Variants in METAP1D observed in about 807,000 individuals in gnomAD.
The protein encoded by METAP1D is methionyl aminopeptidase type 1D, mitochondrial, also known as methionine aminopeptidase 1D, mitochondrial.
Under a neutral mutation model 40.5 loss-of-function variants are expected in METAP1D, and 31 were observed. The observed-to-expected ratio is 0.77, with a 90% CI of 0.58 to 1.03. The LOEUF is 1.03. Ranked by LOEUF, METAP1D falls within the 50% of genes least tolerant of loss-of-function variation. METAP1D has a pLI of 0.00. For missense variants in METAP1D, 411 were observed against 420.7 expected, an observed-to-expected ratio of 0.98 and a Z score of 0.20; for synonymous variants, 151 against 146.4, an observed-to-expected ratio of 1.03 and a Z score of -0.22.
chr2:172,079,127 T>G, intron 7 of METAP1D, 88 bp from the exon 8 acceptor site: 1 of 1,383,630 alleles, frequency 7.2e-7, no homozygotes, highest in Admixed American at 1.9e-5. Context: ...CGACCAAGTT[T>G]TTTAAAGGGG....
At chr2:172,043,967 C>A (rs1421895523) in intron 1 of METAP1D, among the ~76,000 whole-genome samples, 1 of 134,320 alleles carries the variant, frequency 7.4e-6, no homozygotes, top group African/African-American at 2.5e-5. Flanking sequence ...GTGGCATGTG[C>A]CTGTAGTCCC....
In METAP1D at chr2:172,063,274, G is replaced by T. The variant is rs142892917; in HGVS notation, c.199-437G>T. Among the ~76,000 whole-genome samples the T allele has an allele frequency of 3.0e-3, 459 of 152,338 alleles. 3 individuals carry two copies. Among genetic ancestry groups the T allele is most frequent in the African/African-American group, 8.9e-3 (368 of 41,580 alleles). ...GCCTTTTTACATATGTTCATTTTGA[G>T]AGGGTGTTGGGAGCTATCTTTTGCA... On this transcript the variant is annotated intron_variant, in intron 2 of 9. Transcript: ENST00000315796.
chr2:172,079,386 G>C, intron 8 of METAP1D, 124 bp downstream of exon 8: 1 of 854,076 alleles, frequency 1.2e-6, no homozygotes, highest in Admixed American at 2.1e-5. Flanking sequence ...TAATTCGGAT[G>C]CACTGGAAAT....
intron 1 of METAP1D, among the ~76,000 whole-genome samples, chr2:172,028,572 G>GTGTGTGTC (rs1689172792): frequency 6.8e-6 from 1 of 147,972 alleles, no homozygotes; most frequent in African/African-American, 2.6e-5. Context: ...GTGTGTGTGT[G>GTGTGTGTC]TGTGTGTGTG....
chr2:172,017,393 G>A (rs1025190178), intron 1 of METAP1D, among the ~76,000 whole-genome samples: 9 of 150,194 alleles, frequency 6.0e-5, no homozygotes, highest in East Asian at 3.9e-4. Context: ...ATGTATATAT[G>A]TGTATATATG....
intron 1 of METAP1D, among the ~76,000 whole-genome samples, chr2:172,056,518 T>A (rs552425529): frequency 2.6e-5 from 4 of 152,230 alleles, no homozygotes; most frequent in Non-Finnish European, 5.9e-5. Flanking sequence ...TACAAGGATG[T>A]AAGCTCCCTG....
chr2:172,061,092 T>A (rs988573696), intron 1 of METAP1D, among the ~76,000 whole-genome samples: 2 of 152,212 alleles, frequency 1.3e-5, no homozygotes, highest in African/African-American at 2.4e-5. Flanking sequence ...GCTGGCAATT[T>A]GTCCGTGATT....
intron 1 of METAP1D, 121 bp downstream of exon 1, chr2:172,000,130 T>C: frequency 8.9e-6 from 8 of 898,212 alleles, no homozygotes; most frequent in Non-Finnish European, 1.0e-5. Flanking sequence ...GTACTTTCAG[T>C]GTTTACGAAC....
At position 172,039,325 on chromosome 2, in the gene METAP1D, C is replaced by T. The variant is rs116434274; in HGVS notation, c.41-22173C>T. On this transcript the variant is annotated intron_variant, in intron 1 of 9. Coordinates refer to ENST00000315796, the MANE Select transcript of METAP1D (RefSeq NM_199227.3). ...AAATAATTAAGTGTCCAGACCCATA[C>T]TCTTGTGCTCTAGTGCACTTCAGGA... Among the ~76,000 whole-genome samples, 405 of 152,336 alleles carry T rather than the reference C, an allele frequency of 2.7e-3. 1 individual carries two copies. Among genetic ancestry groups the T allele is most frequent in the Middle Eastern group, 0.01 (3 of 294 alleles).
At chr2:172,041,726 T>TTATTTATATA (rs1553493428) in intron 1 of METAP1D, among the ~76,000 whole-genome samples, 2 of 37,570 alleles carry the variant, frequency 5.3e-5, no homozygotes, top group African/African-American at 8.0e-5. Flanking sequence ...TCTAATTATT[T>TTATTTATATA]TATATATATA....
intron 1 of METAP1D, among the ~76,000 whole-genome samples, chr2:172,016,486 T>G (rs1173701275): frequency 6.7e-6 from 1 of 149,748 alleles, no homozygotes; most frequent in Non-Finnish European, 1.5e-5. Flanking sequence ...CTGGACGTGG[T>G]GGTGTGCACC....
intron 6 of METAP1D, chr2:172,072,589 A>G (rs1217701816): frequency 6.1e-6 from 1 of 164,314 alleles, no homozygotes; most frequent in African/African-American, 2.4e-5. Context: ...TGGGCTTTTG[A>G]GCATTTCTGT....
At chr2:172,041,203 G>A (rs375237675) in intron 1 of METAP1D, among the ~76,000 whole-genome samples, 1 of 151,942 alleles carries the variant, frequency 6.6e-6, no homozygotes. Context: ...GCTCATTCCT[G>A]TAATCGCAGC....
intron 1 of METAP1D, among the ~76,000 whole-genome samples, chr2:172,060,572 T>C (rs1690118151): frequency 6.6e-6 from 1 of 152,212 alleles, no homozygotes; most frequent in African/African-American, 2.4e-5. Flanking sequence ...TAATGGGCTT[T>C]TTATATGTAT....
chr2:172,075,336 C>T (rs769003702), intron 6 of METAP1D, among the ~76,000 whole-genome samples: 11 of 152,116 alleles, frequency 7.2e-5, no homozygotes, highest in African/African-American at 2.7e-4. Context: ...TTCAGCAGAG[C>T]GAAGACAGAT....
At chr2:172,002,298 G>A (rs1189756708) in intron 1 of METAP1D, among the ~76,000 whole-genome samples, 1 of 151,928 alleles carries the variant, frequency 6.6e-6, no homozygotes, top group Non-Finnish European at 1.5e-5. Flanking sequence ...TTATATGTGT[G>A]TATATATGTA....
intron 1 of METAP1D, among the ~76,000 whole-genome samples, chr2:172,010,835 A>G (rs1217020988): frequency 6.7e-6 from 1 of 149,270 alleles, no homozygotes; most frequent in Non-Finnish European, 1.5e-5. Context: ...ACTCACTGCA[A>G]CCTCCGCCTC....
chr2:172,023,796 A>G (rs145046122), intron 1 of METAP1D, among the ~76,000 whole-genome samples: 22 of 152,128 alleles, frequency 1.4e-4, no homozygotes, highest in African/African-American at 5.3e-4. Flanking sequence ...TGTGGTAAAG[A>G]GTAAGTATAG....
intron 1 of METAP1D, among the ~76,000 whole-genome samples, chr2:172,036,302 G>T (rs1161325209): frequency 7.1e-6 from 1 of 140,784 alleles, no homozygotes; most frequent in Admixed American, 7.1e-5. Flanking sequence ...GGGCGACAGA[G>T]CGAGACTCTG....
Sources: allele counts gnomAD v4.1 joint callset (sites outside exome capture counted in the v4.1 genomes callset), GRCh38; gene constraint gnomAD v4.1.1; transcripts MANE v1.5; gene names NCBI Gene and HGNC (gene_info 2026-07-23, HGNC 2026-07-21).